The following HAO1 variants were observed in gnomAD, a reference collection of about 807,000 sequenced individuals.
The protein encoded by HAO1 is hydroxyacid oxidase 1, also known as 2-Hydroxyacid oxidase 1.
HAO1 carries 34 observed loss-of-function variants against 39.7 expected under a neutral mutation model. The ratio of observed to expected loss-of-function variants is 0.86; its 90% confidence interval spans 0.65 to 1.14. HAO1 has a LOEUF of 1.14. HAO1 is among the 50% of genes most tolerant of loss of function. The probability of loss-of-function intolerance (pLI) is 0.00; values close to 1 mark genes in which losing one functional copy is unlikely to be tolerated. For missense variants in HAO1, 479 were observed against 464.5 expected (o/e 1.03, Z -0.29); for synonymous variants, 172 against 173.2 (o/e 0.99, Z 0.05).
intron 1 of HAO1, among the ~76,000 whole-genome samples, chr20:7,938,329 CT>C (rs1302464199): frequency 6.6e-6 from 1 of 151,888 alleles, no homozygotes; most frequent in Non-Finnish European, 1.5e-5. Flanking sequence ...AAAAACTCAA[CT>C]AGTTGATAAT....
chr20:7,940,205 C>T (rs745728616), intron 1 of HAO1, 81 bp downstream of exon 1: 8 of 1,139,376 alleles, frequency 7.0e-6, no homozygotes, highest in Non-Finnish European at 9.9e-6. Context: ...TACACACCAC[C>T]AACGTAAAAC....
Position 7,931,788 on chromosome 20 carries a change from C to G in HAO1, c.289+2696G>C, listed in dbSNP as rs529401691. Among the ~76,000 whole-genome samples, 28 of 152,244 alleles carry G rather than the reference C, an allele frequency of 1.8e-4. No homozygotes were observed. In the South Asian group the frequency reaches 5.4e-3, roughly 29 times the overall value. ...TCTCCTCTTTCTTCTCAGCCCAACT[C>G]CACCAAGAATAAAGACTGGTCTTGG... On this transcript the variant is annotated intron_variant, in intron 2 of 7. Coordinates refer to ENST00000378789, the MANE Select transcript of HAO1 (RefSeq NM_017545.3).
intron 5 of HAO1, among the ~76,000 whole-genome samples, chr20:7,893,275 C>G (rs549329711): frequency 6.6e-6 from 1 of 152,182 alleles, no homozygotes. Context: ...AACGGCCAAG[C>G]TTTCCTTGTT....
At chr20:7,920,132 G>A (rs989695790) in intron 2 of HAO1, among the ~76,000 whole-genome samples, 3 of 151,778 alleles carry the variant, frequency 2.0e-5, no homozygotes, top group Admixed American at 2.0e-4. Context: ...TGGATCATAG[G>A]GGTGATTTCC....
At chr20:7,939,534 T>A (rs1022479651) in intron 1 of HAO1, among the ~76,000 whole-genome samples, 1 of 152,146 alleles carries the variant, frequency 6.6e-6, no homozygotes, top group Non-Finnish European at 1.5e-5. Context: ...AGCCATAATG[T>A]TAGATGGATG....
At chr20:7,893,088 CT>C (rs1231257686) in intron 5 of HAO1, among the ~76,000 whole-genome samples, 3 of 152,144 alleles carry the variant, frequency 2.0e-5, no homozygotes, top group African/African-American at 7.2e-5. Flanking sequence ...TAAGCCAAGG[CT>C]CTTCTATTGC....
At chr20:7,892,771 G>T (rs2050180097) in intron 5 of HAO1, among the ~76,000 whole-genome samples, 3 of 152,092 alleles carry the variant, frequency 2.0e-5, no homozygotes, top group South Asian at 4.1e-4. Context: ...TAGGTAGATA[G>T]ATAGTAAATA....
In HAO1 at chr20:7,940,362, T is replaced by C; in HGVS notation, c.61A>G (p.Lys21Glu). 2 of 1,612,380 alleles carry C rather than the reference T, an allele frequency of 1.2e-6. No homozygotes were observed. The highest frequency in any genetic ancestry group is 1.7e-6 in the Non-Finnish European group (2 of 1,178,978). Residue 21 changes from lysine to glutamate, a missense_variant, in exon 1 of 8, where the codon AAG becomes GAG. Physicochemically the swap from Lys to Glu is moderately conservative, Grantham distance 56 (BLOSUM62 1). Transcript: ENST00000378789. ...YEQHAKSVLP[K>E]SIYDYYRSGA... The stretch of plus-strand genomic sequence containing the variant: ...GACCTGTAATAGTCATATATAGACT[T>C]TGGAAGTACTGATTTAGCATGTTGT...
chr20:7,918,550 C>G (rs1230009071), intron 2 of HAO1, among the ~76,000 whole-genome samples: 1 of 152,194 alleles, frequency 6.6e-6, no homozygotes, highest in Non-Finnish European at 1.5e-5. Flanking sequence ...TCATCACTTC[C>G]TTTTCTCCCC....
intron 3 of HAO1, among the ~76,000 whole-genome samples, chr20:7,910,265 AGT>A (rs1435778113): frequency 6.6e-6 from 1 of 152,234 alleles, no homozygotes; most frequent in African/African-American, 2.4e-5. Context: ...GAGAGATGTG[AGT>A]TTTCAGAGAC....
intron 5 of HAO1, 123 bp from the exon 6 acceptor site, chr20:7,885,987 G>A: frequency 1.5e-6 from 1 of 680,858 alleles, no homozygotes; most frequent in African/African-American, 1.8e-5. Context: ...GTAGGTTTGG[G>A]GTAAATGGTA....
In HAO1 at chr20:7,899,951, CAT is replaced by C. The variant is rs530197773; in HGVS notation, c.722-4729_722-4728del. On this transcript the variant is annotated intron_variant, in intron 4 of 7. Transcript: ENST00000378789. ...TGCTATCTTATTAATATTTTATTTC[CAT>C]ATTTAATTTAAAACAAGGTATAAAA... 3.1e-4 allele frequency among the ~76,000 whole-genome samples: 47 copies of C among 152,088 alleles called. No homozygotes were observed. In the Middle Eastern group the frequency reaches 0.014, roughly 44 times the overall value.
In HAO1 at chr20:7,903,858, CGGTGGTGGTGGT is replaced by C. The variant is rs10585629; in HGVS notation, c.721+2284_721+2295del. On this transcript the variant is annotated intron_variant, in intron 4 of 7. Transcript: ENST00000378789. ...GTCCTGGTAATGGAGATTGTGGTAG[CGGTGGTGGTGGT>C]GGTGGTGGTGGTGGTGGTGGTGGTG... 1.1e-3 allele frequency among the ~76,000 whole-genome samples: 66 copies of C among 57,612 alleles called. 1 individual carries two copies. Among genetic ancestry groups the C allele is most frequent in the African/African-American group, 1.4e-3 (30 of 20,884 alleles). The allele number at this position is 57,612 out of a possible 152,430, so 37.8% of individuals were successfully genotyped here. A position where few individuals can be genotyped will look rare whatever the true frequency, so the allele number is the denominator to read the frequency against.
chr20:7,916,500 T>G (rs953094737), intron 2 of HAO1, among the ~76,000 whole-genome samples: 1 of 152,138 alleles, frequency 6.6e-6, no homozygotes, highest in East Asian at 1.9e-4. Flanking sequence ...GACAATCCCC[T>G]GGAGGGCATG....
At chr20:7,900,575 G>T (rs1568511829) in intron 4 of HAO1, among the ~76,000 whole-genome samples, 1 of 151,956 alleles carries the variant, frequency 6.6e-6, no homozygotes, top group Non-Finnish European at 1.5e-5. Context: ...TAATTGTTTT[G>T]GGGTGCCATG....
At chr20:7,931,305 A>G (rs2050384582) in intron 2 of HAO1, among the ~76,000 whole-genome samples, 1 of 152,140 alleles carries the variant, frequency 6.6e-6, no homozygotes, top group African/African-American at 2.4e-5. Context: ...TCTGCTTTGC[A>G]TGCTCCTAAA....
chr20:7,891,544 A>G (rs1253820683), intron 5 of HAO1, among the ~76,000 whole-genome samples: 1 of 152,118 alleles, frequency 6.6e-6, no homozygotes, highest in African/African-American at 2.4e-5. Context: ...TCTTTAGTTT[A>G]ATTAACTCCC....
intron 3 of HAO1, among the ~76,000 whole-genome samples, chr20:7,912,685 G>T (rs976628871): frequency 1.6e-4 from 24 of 152,238 alleles, no homozygotes; most frequent in African/African-American, 5.8e-4. Context: ...CAAGGAGTAA[G>T]ACTATGTCAG....
Position 7,906,173 on chromosome 20 carries a change from A to G in HAO1, c.702T>C (p.Val234=), listed in dbSNP as rs2050246722. The change falls in exon 4 of 8, where the codon GTT becomes GTC. Residue 234 remains valine (V), a synonymous_variant. Coordinates refer to ENST00000378789, the MANE Select transcript of HAO1 (RefSeq NM_017545.3). ...WLRRLTSLPI[V]AKGILRGDDA... Reference sequence around the variant, plus strand: ...ACGAACCTCTCAAAATGCCCTTTGCAACAATTGGCAATGATGTCAGTCTTC... The same window carrying G: ...ACGAACCTCTCAAAATGCCCTTTGCGACAATTGGCAATGATGTCAGTCTTC... The G allele has an allele frequency of 2.5e-6, 4 of 1,612,914 alleles. No individual in the cohort carries two copies. Among genetic ancestry groups the G allele is most frequent in the African/African-American group, 2.7e-5 (2 of 75,038 alleles).
Sources: allele counts gnomAD v4.1 joint callset (sites outside exome capture counted in the v4.1 genomes callset), GRCh38; gene constraint gnomAD v4.1.1; transcripts MANE v1.5; gene names NCBI Gene and HGNC (gene_info 2026-07-23, HGNC 2026-07-21).